The following ZNF639 variants were observed in gnomAD, a reference collection of about 807,000 sequenced individuals.
ZNF639 encodes the protein zinc finger amplified in esophageal squamous cell carcinomas 1.
Under a neutral mutation model 39.8 loss-of-function variants are expected in ZNF639, and 20 were observed. The ratio of observed to expected loss-of-function variants is 0.50; its 90% CI spans 0.35 to 0.73. The LOEUF is 0.73. Ranked by LOEUF, ZNF639 falls within the 30% of genes least tolerant of loss-of-function variation. ZNF639 has a pLI of 0.00. For missense variants in ZNF639, 477 were observed against 566.2 expected (o/e 0.84, Z 1.60); for synonymous variants, 176 against 189.8 (o/e 0.93, Z 0.60).
intron 3 of ZNF639, among the ~76,000 whole-genome samples, chr3:179,328,577 G>T (rs901947383): frequency 6.6e-6 from 1 of 151,942 alleles, no homozygotes; most frequent in Admixed American, 6.6e-5. Flanking sequence ...CAGCTCTATG[G>T]GTTATAAATA....
Position 179,334,374 on chromosome 3 carries a change from A to G in ZNF639, c.1410A>G (p.Gly470=), listed in dbSNP as rs1728101430. The G allele has an allele frequency of 2.5e-6, 4 of 1,587,970 alleles. No homozygotes were observed. Among genetic ancestry groups the G allele is most frequent in the Non-Finnish European group, 3.4e-6 (4 of 1,168,512 alleles). Residue 470 remains glycine (G), a synonymous_variant, in exon 6 of 6, where the codon GGA becomes GGG. Coordinates refer to ENST00000496856, the MANE Select transcript of ZNF639 (RefSeq NM_001303426.2). ...HKCSDCLMRF[G]NERELISHLP... is the part of the protein sequence containing the mutation. ...GTAGTGACTGCTTGATGAGGTTTGG[A>G]AATGAAAGGGAATTAATAAGTCACC...
chr3:179,333,241 C>A, intron 5 of ZNF639, 28 bp from the exon 6 acceptor site: 2 of 1,575,162 alleles, frequency 1.3e-6, no homozygotes, highest in South Asian at 2.4e-5. Context: ...TAGTTATAGT[C>A]ATATAATAGG....
Position 179,323,999 on chromosome 3 carries a change from T to C in ZNF639, c.-83+708T>C, listed in dbSNP as rs186704354. Among the ~76,000 whole-genome samples, 13 of 152,360 alleles carry C rather than the reference T, an allele frequency of 8.5e-5. No homozygotes were observed. In the East Asian group the frequency reaches 2.1e-3, roughly 25 times the overall value. ...TCAAGTATTTAGTGACCGTGTGATA[T>C]TGCAGTAAAGACTGCCTCCACGTTG... On this transcript the variant is annotated intron_variant, in intron 1 of 5. Transcript: ENST00000496856.
At chr3:179,324,605 A>G (rs1481651150) in intron 1 of ZNF639, among the ~76,000 whole-genome samples, 1 of 152,218 alleles carries the variant, frequency 6.6e-6, no homozygotes, top group East Asian at 1.9e-4. Context: ...AGGCATCACC[A>G]TTGTGCTGAA....
chr3:179,326,213 C>A (rs2108493814), intron 1 of ZNF639, among the ~76,000 whole-genome samples: 2 of 152,156 alleles, frequency 1.3e-5, no homozygotes, highest in Middle Eastern at 6.8e-3. Flanking sequence ...TACCTGTAAT[C>A]CCAGCCTCCT....
chr3:179,323,431 G>T (rs539302717), intron 1 of ZNF639, 140 bp downstream of exon 1: 784 of 971,232 alleles, frequency 8.1e-4, no homozygotes, highest in Middle Eastern at 3.7e-3. Flanking sequence ...GTTATATGGC[G>T]GGATGGCGTT....
chr3:179,334,025 G>A lies in ZNF639; in HGVS notation c.1061G>A (p.Gly354Asp). The change falls in exon 6 of 6, where the codon GGT (glycine) becomes GAT (aspartate). Residue 354 changes from glycine (G) to aspartate (D), a missense_variant. Coordinates refer to ENST00000496856, the MANE Select transcript of ZNF639 (RefSeq NM_001303426.2). Reference sequence around the variant, plus strand: ...GAGTTAAGTGATAAGTATAACAATGGTGAACATGGACAGTATAGCCTCTTA... The same window carrying A: ...GAGTTAAGTGATAAGTATAACAATGATGAACATGGACAGTATAGCCTCTTA... ...LIELSDKYNN[G>D]EHGQYSLLSK... is the part of the protein sequence containing the mutation. 6.2e-7 allele frequency: 1 copy of A among 1,614,196 alleles called. No individual in the cohort carries two copies. The highest frequency in any genetic ancestry group is 8.5e-7 in the Non-Finnish European group (1 of 1,180,036).
intron 1 of ZNF639, among the ~76,000 whole-genome samples, chr3:179,327,110 A>G (rs985490713): frequency 6.6e-6 from 1 of 152,024 alleles, no homozygotes; most frequent in Non-Finnish European, 1.5e-5. Context: ...GAATCGCTTT[A>G]ACCCAGGAGG....
chr3:179,334,631 A>AGTT lies in ZNF639; in HGVS notation c.*210_*212dup. 3.2e-6 allele frequency: 1 copy of AGTT among 310,558 alleles called. No homozygotes were observed. The highest frequency in any genetic ancestry group is 5.8e-6 in the Non-Finnish European group (1 of 171,890). The allele number at this position is 310,558 out of a possible 1,614,324, so 19.2% of individuals were successfully genotyped here. ...TATTTTCAATTGCGTGATAGTTTGT[A>AGTT]GTTTCAACCACTCTTGGTGACTGTC... On this transcript the variant is annotated 3_prime_UTR_variant, in exon 6 of 6. Coordinates refer to ENST00000496856, the MANE Select transcript of ZNF639 (RefSeq NM_001303426.2).
At position 179,331,723 on chromosome 3, in the gene ZNF639, C is replaced by T. The variant is rs149955201; in HGVS notation, c.170-1266C>T. ...CTGGGAGGCGGAGGTTGTGGTGAGC[C>T]GAGATCGCGCCATTGCACTGCAGCC... is the stretch of plus-strand genomic sequence containing the variant. On this transcript the variant is annotated intron_variant, in intron 4 of 5. Coordinates refer to ENST00000496856, the MANE Select transcript of ZNF639 (RefSeq NM_001303426.2). Among the ~76,000 whole-genome samples the T allele has an allele frequency of 4.0e-3, 585 of 144,650 alleles. 3 individuals are homozygous for T. The highest frequency in any genetic ancestry group is 0.014 in the African/African-American group (559 of 38,682). The allele number at this position is 144,650 out of a possible 152,430, so 94.9% of individuals were successfully genotyped here.
chr3:179,324,466 A>C (rs1727471536), intron 1 of ZNF639, among the ~76,000 whole-genome samples: 1 of 152,222 alleles, frequency 6.6e-6, no homozygotes, highest in Non-Finnish European at 1.5e-5. Context: ...CCTGCTAAGA[A>C]GACTAGTGAG....
chr3:179,334,653 T>C lies in ZNF639; in HGVS notation c.*231T>C, dbSNP rs1728119814. On this transcript the variant is annotated 3_prime_UTR_variant, in exon 6 of 6. Coordinates refer to ENST00000496856, the MANE Select transcript of ZNF639 (RefSeq NM_001303426.2). ...TGTAGTTTCAACCACTCTTGGTGAC[T>C]GTCATCCTGTTTCTTCCATATTCTC... 1 of 268,424 alleles carries C rather than the reference T, an allele frequency of 3.7e-6. No homozygotes were observed. Among genetic ancestry groups the C allele is most frequent in the South Asian group, 1.4e-4 (1 of 7,396 alleles). 16.6% of individuals were successfully genotyped at this position (268,424 alleles called of 1,614,324 possible). A position where few individuals can be genotyped will look rare whatever the true frequency, so the allele number is the denominator to read the frequency against.
rs1265723990 is a variant in ZNF639, at chr3:179,336,190, C to T, written c.*1768C>T. ...TAAAGACCTGATCTCCAAATAAGGT[C>T]ATATTCTAAGGTGCTGAGGTTTAGG... On this transcript the variant is annotated 3_prime_UTR_variant, in exon 6 of 6. Transcript: ENST00000496856. The T allele has an allele frequency of 6.6e-6, 1 of 152,172 alleles. No individual in the cohort carries two copies. The highest frequency in any genetic ancestry group is 1.5e-5 in the Non-Finnish European group (1 of 68,046). 9.4% of individuals were successfully genotyped at this position (152,172 alleles called of 1,614,324 possible).
chr3:179,325,662 G>A (rs1285605970), intron 1 of ZNF639, among the ~76,000 whole-genome samples: 1 of 152,000 alleles, frequency 6.6e-6, no homozygotes. Context: ...GGGAGGCCGA[G>A]GCGGGCAGAT....
intron 1 of ZNF639, among the ~76,000 whole-genome samples, chr3:179,327,198 A>G (rs1000412720): frequency 3.9e-5 from 6 of 152,094 alleles, no homozygotes; most frequent in Non-Finnish European, 8.8e-5. Context: ...CTCAAAAACA[A>G]AAAGTTTATA....
At chr3:179,327,237 T>C (rs1727647261) in intron 1 of ZNF639, among the ~76,000 whole-genome samples, 1 of 152,162 alleles carries the variant, frequency 6.6e-6, no homozygotes, top group South Asian at 2.1e-4. Flanking sequence ...ATGCTTGCTT[T>C]CCTTATGGAT....
chr3:179,331,424 A>G (rs1592652), intron 4 of ZNF639, among the ~76,000 whole-genome samples: 4,166 of 152,204 alleles, frequency 0.027, 205 homozygotes, highest in African/African-American at 0.096. Context: ...ATAAGTCTGC[A>G]CTCCTTAAGC....
Position 179,323,120 on chromosome 3 carries a change from G to A in ZNF639, c.-254G>A. 2 of 984,714 alleles carry A rather than the reference G, an allele frequency of 2.0e-6. No individual in the cohort carries two copies. Among genetic ancestry groups the A allele is most frequent in the South Asian group, 4.7e-5 (1 of 21,298 alleles). 61.0% of individuals were successfully genotyped at this position (984,714 alleles called of 1,614,324 possible). ...GGGCCTGGCGCTCAGGGCGTGGGGC[G>A]CGCGGGGAGGGAGAGGGGTCGGCCC... On this transcript the variant is annotated 5_prime_UTR_variant, in exon 1 of 6. Transcript: ENST00000496856.
At chr3:179,322,969 G>A (rs544654556), upstream of ZNF639, 1 of 985,108 alleles carries the variant, frequency 1.0e-6, no homozygotes, top group South Asian at 4.7e-5. Flanking sequence ...CGGTGCGTTC[G>A]CGCAGCCCGC....
Sources: allele counts gnomAD v4.1 joint callset (sites outside exome capture counted in the v4.1 genomes callset), GRCh38; gene constraint gnomAD v4.1.1; transcripts MANE v1.5; gene names NCBI Gene and HGNC (gene_info 2026-07-23, HGNC 2026-07-21).